The following AGBL1 variants were observed in gnomAD, a reference collection of about 807,000 sequenced individuals.
AGBL1 encodes cytosolic carboxypeptidase 4.
A neutral mutation model predicts 118.9 loss-of-function variants in AGBL1; 130 were observed. The observed-to-expected ratio is 1.09, with a 90% CI of 0.95 to 1.26. The LOEUF (loss-of-function observed/expected upper bound fraction) is 1.26, where lower values mean the gene tolerates loss of function less well. Ranked by LOEUF, AGBL1 falls within the 50% of genes most tolerant of loss-of-function variation. The pLI is 0.00. For synonymous variants in AGBL1, 555 were observed against 478.9 expected (o/e 1.16, Z -2.08); for missense variants, 1,584 against 1,298.1 (o/e 1.22, Z -3.38).
intron 23 of AGBL1, among the ~76,000 whole-genome samples, chr15:86,933,981 G>T (rs1389968081): frequency 2.6e-5 from 4 of 152,024 alleles, no homozygotes; most frequent in African/African-American, 9.7e-5. Flanking sequence ...GAACAAGTTG[G>T]GCAAGATCAT....
At chr15:86,241,763 G>A (rs1041527638) in intron 6 of AGBL1, among the ~76,000 whole-genome samples, 8 of 152,182 alleles carry the variant, frequency 5.3e-5, no homozygotes, top group Non-Finnish European at 1.0e-4. Flanking sequence ...CTTTGGAGGG[G>A]ACATGTTCAA....
At chr15:86,464,089 C>T (rs993369852) in intron 18 of AGBL1, among the ~76,000 whole-genome samples, 2 of 152,116 alleles carry the variant, frequency 1.3e-5, no homozygotes, top group Non-Finnish European at 2.9e-5. Context: ...ATTGGTTTTC[C>T]ATTTGTTTGT....
chr15:86,713,675 A>G (rs1187469383), intron 22 of AGBL1, among the ~76,000 whole-genome samples: 1 of 152,166 alleles, frequency 6.6e-6, no homozygotes, highest in Non-Finnish European at 1.5e-5. Flanking sequence ...TCAGCATAAT[A>G]AATTAGTGAT....
chr15:86,280,688 G>A (rs2079338006), intron 16 of AGBL1, among the ~76,000 whole-genome samples: 1 of 152,208 alleles, frequency 6.6e-6, no homozygotes, highest in Non-Finnish European at 1.5e-5. Context: ...TTTTAAGGCT[G>A]TGATAAGGAC....
chr15:86,960,461 G>C (rs2080980780), intron 23 of AGBL1, among the ~76,000 whole-genome samples: 1 of 151,962 alleles, frequency 6.6e-6, no homozygotes, highest in South Asian at 2.1e-4. Flanking sequence ...ACAAGAGAAA[G>C]TCATTATCAA....
chr15:86,198,891 A>G (rs1284020438), intron 5 of AGBL1, among the ~76,000 whole-genome samples: 2 of 152,170 alleles, frequency 1.3e-5, no homozygotes, highest in African/African-American at 4.8e-5. Flanking sequence ...ATTGCTGTAG[A>G]AGACTAATAC....
chr15:86,689,728 G>T (rs895652638), intron 22 of AGBL1, among the ~76,000 whole-genome samples: 1 of 151,990 alleles, frequency 6.6e-6, no homozygotes, highest in Non-Finnish European at 1.5e-5. Flanking sequence ...AGAAACGATT[G>T]TCCCTTCCTG....
intron 18 of AGBL1, among the ~76,000 whole-genome samples, chr15:86,479,589 G>A (rs927924786): frequency 3.6e-4 from 55 of 152,204 alleles, no homozygotes; most frequent in African/African-American, 1.3e-3. Flanking sequence ...AACAGGTGCT[G>A]GAGAGGATGT....
At chr15:86,736,392 A>ATT (rs2077599751) in intron 22 of AGBL1, among the ~76,000 whole-genome samples, 1 of 151,592 alleles carries the variant, frequency 6.6e-6, no homozygotes, top group African/African-American at 2.4e-5. Context: ...AAAAAAAAAA[A>ATT]TTATTTAGCA....
At chr15:87,024,404 T>C (rs2081702989) in intron 24 of AGBL1, among the ~76,000 whole-genome samples, 1 of 152,036 alleles carries the variant, frequency 6.6e-6, no homozygotes. Context: ...CCTGGAAAGA[T>C]ACAACTCTCC....
intron 20 of AGBL1, 78 bp from the exon 21 acceptor site, chr15:86,554,283 T>A: frequency 3.2e-6 from 4 of 1,232,488 alleles, no homozygotes; most frequent in Non-Finnish European, 4.5e-6. Context: ...TGCTTAACAA[T>A]GTTGAGAAGC....
At chr15:86,990,742 G>T (rs1474252296) in intron 24 of AGBL1, among the ~76,000 whole-genome samples, 1 of 152,170 alleles carries the variant, frequency 6.6e-6, no homozygotes, top group Non-Finnish European at 1.5e-5. Flanking sequence ...GAGTCTCAGG[G>T]AGTTAGCTTG....
At chr15:87,015,719 C>A (rs4567670) in intron 24 of AGBL1, among the ~76,000 whole-genome samples, 1 of 152,120 alleles carries the variant, frequency 6.6e-6, no homozygotes, top group Non-Finnish European at 1.5e-5. Flanking sequence ...TAATTTCATC[C>A]TTCATTCCCC....
chr15:86,139,301 GTATAACACCTC>G (rs754749056), intron 1 of AGBL1, among the ~76,000 whole-genome samples: 7 of 151,844 alleles, frequency 4.6e-5, no homozygotes, highest in Non-Finnish European at 8.8e-5. Flanking sequence ...GTTCTCTTCT[GTATAACACCTC>G]TGTTATACAG....
At chr15:86,674,951 A>AG (rs774704419) in intron 22 of AGBL1, among the ~76,000 whole-genome samples, 6 of 152,288 alleles carry the variant, frequency 3.9e-5, no homozygotes, top group Non-Finnish European at 5.9e-5. Flanking sequence ...CAGCCATAGG[A>AG]GGGAAAGGCT....
intron 22 of AGBL1, among the ~76,000 whole-genome samples, chr15:86,774,904 C>T (rs1160145889): frequency 6.6e-6 from 1 of 151,992 alleles, no homozygotes; most frequent in Non-Finnish European, 1.5e-5. Context: ...AAATGCCATG[C>T]TAAGGAGTGA....
At chr15:87,019,907 A>G (rs999278944) in intron 24 of AGBL1, among the ~76,000 whole-genome samples, 1 of 152,060 alleles carries the variant, frequency 6.6e-6, no homozygotes, top group African/African-American at 2.4e-5. Context: ...AATCAAAGAA[A>G]CAAGTCAGAA....
chr15:86,311,765 G>A (rs561563852), intron 17 of AGBL1, among the ~76,000 whole-genome samples: 1 of 152,104 alleles, frequency 6.6e-6, no homozygotes, highest in African/African-American at 2.4e-5. Context: ...CAAGTTATTC[G>A]ATATACCACA....
chr15:86,518,089 G>T (rs1175927250), intron 18 of AGBL1, among the ~76,000 whole-genome samples: 1 of 152,122 alleles, frequency 6.6e-6, no homozygotes, highest in African/African-American at 2.4e-5. Context: ...AGTCTGATGG[G>T]CTCTATCCCT....
Sources: allele counts gnomAD v4.1 joint callset (sites outside exome capture counted in the v4.1 genomes callset), GRCh38; gene constraint gnomAD v4.1.1; transcripts MANE v1.5; gene names NCBI Gene and HGNC (gene_info 2026-07-23, HGNC 2026-07-21).